CEP120: variants seen among roughly 807,000 people sequenced by gnomAD.
The protein encoded by CEP120 is centrosomal protein 120.
In CEP120, 113 loss-of-function variants were observed where a neutral mutation model predicts 126.5. The observed-to-expected ratio is 0.89, with a 90% CI of 0.77 to 1.04. The LOEUF is 1.04. Among genes scored for constraint, CEP120 ranks in the 50% least tolerant of loss-of-function variants. CEP120 has a pLI of 0.00. For synonymous variants in CEP120, 400 were observed against 394.3 expected (o/e 1.01, Z -0.17); for missense variants, 1,230 against 1,155.7 (o/e 1.06, Z -0.93).
chr5:123,387,626 G>C (rs1772114911), intron 9 of CEP120, among the ~76,000 whole-genome samples: 1 of 151,996 alleles, frequency 6.6e-6, no homozygotes, highest in African/African-American at 2.4e-5. Context: ...CGAACTATTA[G>C]TCCGTATCAA....
chr5:123,377,359 A>C lies in CEP120; in HGVS notation c.2358+15T>G. On this transcript the variant is annotated intron_variant, in intron 16 of 19. Transcript: ENST00000306467. The stretch of plus-strand genomic sequence containing the variant: ...ATAAACTAAGCATAAAAAGATGACA[A>C]GTACGTTATCCAACCTGTTGCTGAA... 1 of 1,600,720 alleles carries C rather than the reference A, an allele frequency of 6.2e-7. No individual in the cohort carries two copies. The highest frequency in any genetic ancestry group is 8.5e-7 in the Non-Finnish European group (1 of 1,176,372).
At chr5:123,365,603 A>G (rs1770399352) in intron 17 of CEP120, among the ~76,000 whole-genome samples, 1 of 151,652 alleles carries the variant, frequency 6.6e-6, no homozygotes, top group South Asian at 2.1e-4. Flanking sequence ...TTTCTGCTTT[A>G]CAAATCCCTA....
chr5:123,413,014 C>A (rs866697043), intron 3 of CEP120, among the ~76,000 whole-genome samples: 25 of 152,226 alleles, frequency 1.6e-4, no homozygotes, highest in Middle Eastern at 3.4e-3. Context: ...TGCCTGTAAT[C>A]CCAACACTTT....
At chr5:123,354,973 C>T (rs1172360442) in intron 18 of CEP120, among the ~76,000 whole-genome samples, 1 of 151,278 alleles carries the variant, frequency 6.6e-6, no homozygotes, top group East Asian at 1.9e-4. Context: ...GTGTGATGTC[C>T]CCCTTCCTGT....
At chr5:123,373,501 T>A (rs1379850649) in intron 16 of CEP120, among the ~76,000 whole-genome samples, 2 of 151,992 alleles carry the variant, frequency 1.3e-5, no homozygotes, top group Non-Finnish European at 2.9e-5. Flanking sequence ...AACAGGAGCA[T>A]AAAGAAGAGC....
chr5:123,381,523 G>C (rs1365165836), intron 14 of CEP120, among the ~76,000 whole-genome samples: 1 of 152,044 alleles, frequency 6.6e-6, no homozygotes, highest in Non-Finnish European at 1.5e-5. Context: ...AATAACTTCA[G>C]TGTAAATGGA....
At chr5:123,400,632 A>C (rs1445760703) in intron 4 of CEP120, among the ~76,000 whole-genome samples, 1 of 150,982 alleles carries the variant, frequency 6.6e-6, no homozygotes, top group Non-Finnish European at 1.5e-5. Context: ...TATACACATA[A>C]ATACATACAT....
At chr5:123,392,382 C>T (rs1022168035) in intron 6 of CEP120, among the ~76,000 whole-genome samples, 3 of 152,208 alleles carry the variant, frequency 2.0e-5, no homozygotes, top group African/African-American at 7.2e-5. Context: ...CCTAATGCTT[C>T]TTCTCACCTC....
chr5:123,358,526 A>C (rs1769824144), intron 18 of CEP120: 1 of 152,150 alleles, frequency 6.6e-6, no homozygotes, highest in Non-Finnish European at 1.5e-5. Context: ...AAAAATTTTT[A>C]CAATGAGTAA....
rs1774842178 is a variant in CEP120, at chr5:123,423,267, C to T, written c.-269G>A. The T allele has an allele frequency of 2.1e-6, 1 of 487,098 alleles. No homozygotes were observed. Among genetic ancestry groups the T allele is most frequent in the African/African-American group, 2.0e-5 (1 of 49,236 alleles). 30.2% of individuals were successfully genotyped at this position (487,098 alleles called of 1,614,324 possible). A position where few individuals can be genotyped will look rare whatever the true frequency, so the allele number is the denominator to read the frequency against. ...GCCAGTCTGCAAGCAGAGACAAGCC[C>T]GCCACCCGAGGACCTTTTGCCGCCT... On this transcript the variant is annotated 5_prime_UTR_variant, in exon 1 of 20. Transcript: ENST00000306467.
rs77087998 is a variant in CEP120 at position 123,396,879 on chromosome 5, A to C, written c.612+2257T>G. Among the ~76,000 whole-genome samples, 575 of 152,368 alleles carry C rather than the reference A, an allele frequency of 3.8e-3. 6 individuals carry two copies. The highest frequency in any genetic ancestry group is 0.013 in the African/African-American group (545 of 41,590). On this transcript the variant is annotated intron_variant, in intron 5 of 19. Coordinates refer to ENST00000306467, the MANE Select transcript of CEP120 (RefSeq NM_001375405.1). The stretch of plus-strand genomic sequence containing the variant: ...ACTTGCTTTCCTTATCTCTAAAATG[A>C]AAATGATCAACTCTAAGATTGTGGT...
chr5:123,358,493 T>C (rs1056580261), intron 18 of CEP120: 11 of 152,114 alleles, frequency 7.2e-5, no homozygotes, highest in Admixed American at 2.0e-4. Context: ...CTATGTTATA[T>C]GGTGCTGCAA....
intron 17 of CEP120, among the ~76,000 whole-genome samples, chr5:123,367,859 T>G (rs1422288221): frequency 6.6e-6 from 1 of 151,946 alleles, no homozygotes; most frequent in East Asian, 1.9e-4. Context: ...AACCAGAGCT[T>G]ACAAATTAAA....
intron 14 of CEP120, 54 bp from the exon 15 acceptor site, chr5:123,378,482 A>T (rs1771420852): frequency 1.9e-6 from 2 of 1,049,866 alleles, no homozygotes; most frequent in African/African-American, 1.7e-5. Flanking sequence ...TCCCAAACTT[A>T]AAACACACAC....
intron 4 of CEP120, among the ~76,000 whole-genome samples, chr5:123,410,574 T>C (rs1381874758): frequency 3.3e-5 from 5 of 152,182 alleles, no homozygotes; most frequent in African/African-American, 4.8e-5. Flanking sequence ...GCAAAGGCAA[T>C]GCAATGGAGC....
intron 4 of CEP120, among the ~76,000 whole-genome samples, chr5:123,409,772 A>G (rs1021227111): frequency 1.3e-5 from 2 of 152,116 alleles, no homozygotes; most frequent in Non-Finnish European, 2.9e-5. Flanking sequence ...GGCCTGGCCA[A>G]TGTAGTGAAA....
chr5:123,422,250 A>T (rs1774763439), intron 1 of CEP120, among the ~76,000 whole-genome samples: 1 of 152,138 alleles, frequency 6.6e-6, no homozygotes, highest in Admixed American at 6.6e-5. Flanking sequence ...AGGACCCCAA[A>T]AAATGCCACC....
chr5:123,349,785 T>C (rs953033884), intron 19 of CEP120, among the ~76,000 whole-genome samples, 159 bp downstream of exon 19: 1 of 152,160 alleles, frequency 6.6e-6, no homozygotes, highest in African/African-American at 2.4e-5. Context: ...ATTACAGGCA[T>C]GCGCCACAGT....
chr5:123,361,417 G>A (rs1455096441), intron 18 of CEP120, among the ~76,000 whole-genome samples: 1 of 151,746 alleles, frequency 6.6e-6, no homozygotes, highest in Admixed American at 6.6e-5. Flanking sequence ...ATTGTGCAAG[G>A]TGCATAGCAG....
Sources: gnomAD v4.1 joint callset for allele counts (sites outside exome capture counted in the v4.1 genomes callset) on GRCh38, gnomAD v4.1.1 for gene constraint, MANE v1.5 for transcripts, NCBI Gene and HGNC (gene_info 2026-07-23, HGNC 2026-07-21) for gene names.